Variants in KIAA0825 observed in about 807,000 individuals in gnomAD.
The protein encoded by KIAA0825 is KIAA0825, also known as uncharacterized protein KIAA0825.
In KIAA0825, 119 loss-of-function variants were observed where a neutral mutation model predicts 147.6. The observed-to-expected ratio is 0.81, with a 90% CI of 0.69 to 0.94. KIAA0825 has a LOEUF of 0.94. Among genes scored for constraint, KIAA0825 ranks in the 40% least tolerant of loss-of-function variants. KIAA0825 has a pLI of 0.00. For synonymous variants in KIAA0825, 470 were observed against 518.1 expected (o/e 0.91, Z 1.26); for missense variants, 1,381 against 1,472.7 (o/e 0.94, Z 1.02).
At chr5:94,394,203 G>C (rs1350922677) in intron 17 of KIAA0825, among the ~76,000 whole-genome samples, 3 of 152,084 alleles carry the variant, frequency 2.0e-5, no homozygotes, top group African/African-American at 4.8e-5. Flanking sequence ...TCTAAAGTGA[G>C]TTAAGTCAAA....
At chr5:94,360,051 A>T (rs187663930) in intron 20 of KIAA0825, among the ~76,000 whole-genome samples, 9 of 152,300 alleles carry the variant, frequency 5.9e-5, no homozygotes, top group African/African-American at 1.7e-4. Context: ...AAGAGATGAT[A>T]TAATGGAGTA....
chr5:94,203,374 A>T (rs1771872377), intron 20 of KIAA0825, among the ~76,000 whole-genome samples: 1 of 152,196 alleles, frequency 6.6e-6, no homozygotes, highest in African/African-American at 2.4e-5. Context: ...CCGTCATTTT[A>T]CCTTGGAGGA....
intron 20 of KIAA0825, among the ~76,000 whole-genome samples, chr5:94,330,823 C>T (rs1290152902): frequency 6.6e-6 from 1 of 151,936 alleles, no homozygotes; most frequent in Non-Finnish European, 1.5e-5. Flanking sequence ...AGAGAAGACA[C>T]AACTTACTAC....
At chr5:94,338,367 G>A (rs1480524747) in intron 20 of KIAA0825, among the ~76,000 whole-genome samples, 2 of 151,964 alleles carry the variant, frequency 1.3e-5, no homozygotes, top group Admixed American at 1.3e-4. Context: ...TAGTCGTTTT[G>A]ACTCTGCTTA....
At chr5:94,585,565 A>G (rs1238888924) in intron 1 of KIAA0825, among the ~76,000 whole-genome samples, 1 of 152,200 alleles carries the variant, frequency 6.6e-6, no homozygotes, top group East Asian at 1.9e-4. Context: ...CTACAAAAAG[A>G]TTCAGACTTC....
chr5:94,454,260 A>T (rs923102444), intron 12 of KIAA0825, among the ~76,000 whole-genome samples: 3 of 152,204 alleles, frequency 2.0e-5, no homozygotes, highest in Admixed American at 1.3e-4. Context: ...AGGTAGTACC[A>T]TCTCTCTTTA....
intron 1 of KIAA0825, among the ~76,000 whole-genome samples, chr5:94,605,033 TACAAACACAATCAGAAATA>T (rs1787236076): frequency 7.1e-6 from 1 of 141,332 alleles, no homozygotes; most frequent in Non-Finnish European, 1.6e-5. Flanking sequence ...GAGGGAAGAT[TACAAACACAATCAGAAATA>T]ACAAACACAA....
chr5:94,460,081 A>G (rs1759622599), intron 12 of KIAA0825, among the ~76,000 whole-genome samples: 1 of 152,128 alleles, frequency 6.6e-6, no homozygotes, highest in Non-Finnish European at 1.5e-5. Context: ...TTAACCTGCT[A>G]CACATGAACT....
chr5:94,557,373 C>A (rs1415048532), intron 2 of KIAA0825, among the ~76,000 whole-genome samples: 1 of 151,222 alleles, frequency 6.6e-6, no homozygotes, highest in Non-Finnish European at 1.5e-5. Flanking sequence ...AGGTACTGGG[C>A]TTATGGACGT....
chr5:94,314,978 G>A (rs1476860218), intron 20 of KIAA0825, among the ~76,000 whole-genome samples: 1 of 151,490 alleles, frequency 6.6e-6, no homozygotes, highest in Non-Finnish European at 1.5e-5. Flanking sequence ...TCTCTCATTG[G>A]CAGCGGACAG....
Position 94,564,975 on chromosome 5 carries a change from TCTC to T in KIAA0825, c.-2+17455_-2+17457del, listed in dbSNP as rs1269010026. On this transcript the variant is annotated intron_variant, in intron 2 of 20. Transcript: ENST00000682413. ...TTCTTTTCTTTTCTTTTCTTTTTCTTCTCTTCTCTTCTCTTCTCCTCTCTCTCT... is the reference window on the plus strand; with the variant it reads ...TTCTTTTCTTTTCTTTTCTTTTTCTTTTCTCTTCTCTTCTCCTCTCTCTCT... Among the ~76,000 whole-genome samples the T allele has an allele frequency of 1.1e-4, 16 of 142,020 alleles. 1 individual carries two copies. The South Asian group carries it at 3.2e-3, about 29-fold the overall frequency. 93.2% of individuals were successfully genotyped at this position (142,020 alleles called of 152,430 possible).
intron 20 of KIAA0825, among the ~76,000 whole-genome samples, chr5:94,356,657 T>G (rs1022310776): frequency 3.3e-5 from 5 of 150,926 alleles, no homozygotes; most frequent in Admixed American, 2.0e-4. Context: ...CATATTCATT[T>G]GAAAATTTCA....
intron 15 of KIAA0825, among the ~76,000 whole-genome samples, chr5:94,405,334 C>T (rs1191312392): frequency 6.6e-6 from 1 of 152,084 alleles, no homozygotes; most frequent in Non-Finnish European, 1.5e-5. Context: ...TTTCAGGCTA[C>T]TGTTAAGAAA....
At chr5:94,384,908 G>C (rs1375113655) in intron 19 of KIAA0825, among the ~76,000 whole-genome samples, 3 of 152,104 alleles carry the variant, frequency 2.0e-5, no homozygotes, top group Admixed American at 1.3e-4. Flanking sequence ...AGCTTAATTA[G>C]AGTGTGATAT....
intron 20 of KIAA0825, among the ~76,000 whole-genome samples, chr5:94,243,865 A>G (rs1775475251): frequency 6.6e-6 from 1 of 152,198 alleles, no homozygotes; most frequent in Non-Finnish European, 1.5e-5. Context: ...TGAAGCATTT[A>G]GCAGTTTTTA....
intron 9 of KIAA0825, 44 bp downstream of exon 9, chr5:94,471,422 G>T: frequency 6.5e-7 from 1 of 1,527,084 alleles, no homozygotes; most frequent in East Asian, 2.5e-5. Context: ...AAGATTACAC[G>T]TTTCTTTAAG....
At chr5:94,236,625 G>C (rs192736695) in intron 20 of KIAA0825, among the ~76,000 whole-genome samples, 1 of 152,316 alleles carries the variant, frequency 6.6e-6, no homozygotes, top group East Asian at 1.9e-4. Flanking sequence ...CTGTCAAACA[G>C]CATCGCATTC....
chr5:94,330,806 A>AAG (rs1473203608), intron 20 of KIAA0825, among the ~76,000 whole-genome samples: 1 of 152,044 alleles, frequency 6.6e-6, no homozygotes, highest in Non-Finnish European at 1.5e-5. Context: ...TTCCCCTCAA[A>AAG]AGAGAGAGAG....
intron 2 of KIAA0825, among the ~76,000 whole-genome samples, chr5:94,551,938 C>T (rs1181651304): frequency 1.3e-5 from 2 of 151,802 alleles, no homozygotes; most frequent in Admixed American, 6.6e-5. Flanking sequence ...TCAATAATAA[C>T]CTTGAATGAA....
Sources: gnomAD v4.1 joint callset for allele counts (sites outside exome capture counted in the v4.1 genomes callset) on GRCh38, gnomAD v4.1.1 for gene constraint, MANE v1.5 for transcripts, NCBI Gene and HGNC (gene_info 2026-07-23, HGNC 2026-07-21) for gene names.